Variants in HDLBP observed in about 807,000 individuals in gnomAD.
HDLBP encodes the protein high density lipoprotein binding protein, also known as vigilin.
HDLBP carries 30 observed loss-of-function variants against 137.3 expected under a neutral mutation model. The ratio of observed to expected loss-of-function variants is 0.22; its 90% CI spans 0.16 to 0.30. HDLBP has a LOEUF of 0.30. HDLBP is among the 10% of genes least tolerant of loss of function. HDLBP has a pLI of 1.00. For synonymous variants in HDLBP, 606 were observed against 596.0 expected, an observed-to-expected ratio of 1.02 and a Z score of -0.24; for missense variants, 1,119 against 1,667.3, an observed-to-expected ratio of 0.67 and a Z score of 5.73.
At chr2:241,260,725 GAAC>G (rs1442362769) in intron 5 of HDLBP, among the ~76,000 whole-genome samples, 1 of 152,154 alleles carries the variant, frequency 6.6e-6, no homozygotes, top group African/African-American at 2.4e-5. Flanking sequence ...GTTCAAAGCA[GAAC>G]AACCAGCTAT....
At position 241,227,910 on chromosome 2, in the gene HDLBP, C is replaced by A. The variant is rs952506100; in HGVS notation, c.*1691G>T. 1 of 152,212 alleles carries A rather than the reference C, an allele frequency of 6.6e-6. No homozygotes were observed. Among genetic ancestry groups the A allele is most frequent in the African/African-American group, 2.4e-5 (1 of 41,438 alleles). The allele number at this position is 152,212 out of a possible 1,614,324, so 9.4% of individuals were successfully genotyped here. ...TTGCTTTCTTTCCCTGTTTCCTAAG[C>A]CGTGGTCACCCTAGCCTATGAAGCT... is the stretch of plus-strand genomic sequence containing the variant. On this transcript the variant is annotated 3_prime_UTR_variant, in exon 28 of 28. Coordinates refer to ENST00000310931, the MANE Select transcript of HDLBP (RefSeq NM_005336.6).
intron 3 of HDLBP, 187 bp downstream of exon 3, chr2:241,266,607 C>G (rs1190280054): frequency 1.2e-5 from 7 of 569,412 alleles, no homozygotes; most frequent in African/African-American, 5.6e-5. Flanking sequence ...GATTCATTTC[C>G]TCATGCCTGG....
intron 23 of HDLBP, among the ~76,000 whole-genome samples, chr2:241,234,569 A>G (rs2070175972): frequency 6.6e-6 from 1 of 152,212 alleles, no homozygotes; most frequent in African/African-American, 2.4e-5. Context: ...AGTCTGCTCC[A>G]AGTTCCAGAA....
chr2:241,301,282 C>T (rs57576464), intron 1 of HDLBP, among the ~76,000 whole-genome samples: 24,087 of 151,736 alleles, frequency 0.16, 2,411 homozygotes, highest in East Asian at 0.4. Context: ...CCACTGCACC[C>T]GGCCACACAC....
At chr2:241,280,910 C>A (rs1319176276) in intron 1 of HDLBP, among the ~76,000 whole-genome samples, 1 of 152,190 alleles carries the variant, frequency 6.6e-6, no homozygotes, top group Non-Finnish European at 1.5e-5. Context: ...CACTACTTTC[C>A]ACTAAATTAA....
chr2:241,270,179 C>T (rs564280637), intron 1 of HDLBP, among the ~76,000 whole-genome samples: 5 of 152,324 alleles, frequency 3.3e-5, no homozygotes, highest in East Asian at 3.9e-4. Flanking sequence ...CAAGTCCAGC[C>T]GGACCCTATA....
At chr2:241,258,427 G>A (rs1486059530) in intron 5 of HDLBP, among the ~76,000 whole-genome samples, 1 of 151,808 alleles carries the variant, frequency 6.6e-6, no homozygotes, top group East Asian at 1.9e-4. Context: ...GGGTGGCTGA[G>A]GCAGGAGAAC....
chr2:241,236,243 C>T, intron 21 of HDLBP: 1 of 281,796 alleles, frequency 3.5e-6, no homozygotes, highest in Non-Finnish European at 6.8e-6. Context: ...ACTGACTGCA[C>T]ACAAGGTGAG....
Position 241,229,283 on chromosome 2 carries a change from C to A in HDLBP, c.*318G>T, listed in dbSNP as rs1284625005. On this transcript the variant is annotated 3_prime_UTR_variant, in exon 28 of 28. Coordinates refer to ENST00000310931, the MANE Select transcript of HDLBP (RefSeq NM_005336.6). ...ACAGGAAGTGGAATCCTAGCCACGG[C>A]TGCGGAGCTCTCGTGATGAAGGCCA... The A allele has an allele frequency of 3.3e-6, 1 of 302,570 alleles. No homozygotes were observed. The highest frequency in any genetic ancestry group is 6.3e-6 in the Non-Finnish European group (1 of 157,718). The allele number at this position is 302,570 out of a possible 1,614,324, so 18.7% of individuals were successfully genotyped here. A position where few individuals can be genotyped will look rare whatever the true frequency, so the allele number is the denominator to read the frequency against.
Position 241,230,752 on chromosome 2 carries a change from G to C in HDLBP, c.3474+7C>G. ...ATTCTCACCCACTGTGCTTCCAGCC[G>C]GCTCACCTTGAATTCGTCCATGATT... On this transcript the variant is annotated splice_region_variant and intron_variant, in intron 25 of 27. Transcript: ENST00000310931. This position sits in a 1 kb window ranked among gnomAD's most constrained non-coding sequence, Gnocchi z 5.0. 1 of 1,613,070 alleles carries C rather than the reference G, an allele frequency of 6.2e-7. No homozygotes were observed. The highest frequency in any genetic ancestry group is 2.2e-5 in the East Asian group (1 of 44,856).
chr2:241,236,790 GGACAGCT>G, intron 20 of HDLBP, 21 bp from the exon 21 acceptor site: 2 of 1,612,258 alleles, frequency 1.2e-6, no homozygotes, highest in Admixed American at 1.7e-5. Flanking sequence ...AGGGGAAAAG[GGACAGCT>G]GACAGCTGCT....
At chr2:241,305,926 A>T (rs1375699304) in intron 1 of HDLBP, among the ~76,000 whole-genome samples, 1 of 151,452 alleles carries the variant, frequency 6.6e-6, no homozygotes, top group African/African-American at 2.4e-5. Flanking sequence ...ATGCTCAACT[A>T]ATTTTTTGTA....
At chr2:241,251,106 G>C (rs1211954928) in intron 11 of HDLBP, 1 of 152,046 alleles carries the variant, frequency 6.6e-6, no homozygotes, top group Non-Finnish European at 1.5e-5. Flanking sequence ...CAGAGCAGCG[G>C]GGACCACAGG....
intron 1 of HDLBP, among the ~76,000 whole-genome samples, chr2:241,311,318 C>A (rs2075752203): frequency 6.6e-6 from 1 of 152,184 alleles, no homozygotes; most frequent in South Asian, 2.1e-4. Flanking sequence ...AGGATAAGAG[C>A]AGAACGAGGC....
At chr2:241,301,953 A>C (rs939960392) in intron 1 of HDLBP, among the ~76,000 whole-genome samples, 1 of 152,068 alleles carries the variant, frequency 6.6e-6, no homozygotes, top group African/African-American at 2.4e-5. Flanking sequence ...GCCGAGGGCC[A>C]GGCACAGTGG....
chr2:241,246,784 G>A lies in HDLBP; in HGVS notation c.1918C>T (p.Arg640Trp), dbSNP rs754540075. 1.9e-6 allele frequency: 3 copies of A among 1,613,978 alleles called. No individual in the cohort carries two copies. The highest frequency in any genetic ancestry group is 2.2e-5 in the East Asian group (1 of 44,898). The change falls in exon 16 of 28, where the codon CGG becomes TGG. Residue 640 changes from arginine (R) to tryptophan (W), a missense_variant. Arg to Trp is a moderately radical substitution (Grantham distance 101). Around this residue, in one of 4 missense-constraint regions of HDLBP, gnomAD observed 425 missense variants for 693.9 expected, o/e 0.61. Transcript: ENST00000310931. ...TTCTGAATAGACAGAATCCTGCTCC[G>A]GGCAGCTTCGCAGTTGGCTCGCTTG... ...TGKRANCEAA[R>W]SRILSIQKDL...
intron 22 of HDLBP, 103 bp from the exon 23 acceptor site, chr2:241,235,358 G>A (rs757819435): frequency 5.3e-5 from 81 of 1,541,448 alleles, no homozygotes; most frequent in Middle Eastern, 5.2e-4. Flanking sequence ...GCCACCCGCC[G>A]TGAAGGGAAG....
chr2:241,301,425 A>G (rs888358920), intron 1 of HDLBP, among the ~76,000 whole-genome samples: 2 of 152,240 alleles, frequency 1.3e-5, no homozygotes, highest in African/African-American at 4.8e-5. Context: ...AAAATTAGAA[A>G]GCATATCACG....
chr2:241,306,219 CT>C (rs1303166999), intron 1 of HDLBP, among the ~76,000 whole-genome samples: 1 of 150,064 alleles, frequency 6.7e-6, no homozygotes, highest in African/African-American at 2.5e-5. Flanking sequence ...TCTGAGGCAT[CT>C]GTTTAAAAAA....
Sources: allele counts gnomAD v4.1 joint callset (sites outside exome capture counted in the v4.1 genomes callset), GRCh38; gene constraint gnomAD v4.1.1; regional missense constraint gnomAD v4.1.1; non-coding constraint Gnocchi (gnomAD v3.1); transcripts MANE v1.5; gene names NCBI Gene and HGNC (gene_info 2026-07-23, HGNC 2026-07-21).